MSANTD4: variants seen among roughly 807,000 people sequenced by gnomAD.
The protein encoded by MSANTD4 is myb/SANT-like DNA-binding domain-containing protein 4.
A neutral mutation model predicts 34.3 loss-of-function variants in MSANTD4; 13 were observed. That is an observed-to-expected ratio of 0.38 (90% CI 0.25 to 0.60). MSANTD4 has a LOEUF of 0.60. MSANTD4 is among the 20% of genes least tolerant of loss of function. The pLI is 0.63. For missense variants in MSANTD4, 358 were observed against 401.8 expected (o/e 0.89, Z 0.93); for synonymous variants, 137 against 145.2 (o/e 0.94, Z 0.41).
At chr11:106,014,164 T>C (rs1859778458) in intron 1 of MSANTD4, among the ~76,000 whole-genome samples, 1 of 152,216 alleles carries the variant, frequency 6.6e-6, no homozygotes, top group Non-Finnish European at 1.5e-5. Flanking sequence ...AAAAAGAAAC[T>C]TAAGACTAAG....
At position 106,010,123 on chromosome 11, in the gene MSANTD4, A is replaced by G; in HGVS notation, c.463-13T>C. On this transcript the variant is annotated splice_polypyrimidine_tract_variant and intron_variant, in intron 2 of 2. Coordinates refer to ENST00000301919, the MANE Select transcript of MSANTD4 (RefSeq NM_032424.3). ...CCTCAATTTCAAACTAAGAGCAAAG[A>G]GAAAAGCAATTTTCAGTATTGACTT... The G allele has an allele frequency of 6.5e-7, 1 of 1,540,128 alleles. No individual in the cohort carries two copies. The highest frequency in any genetic ancestry group is 2.3e-5 in the East Asian group (1 of 44,202).
At chr11:106,018,497 T>C (rs1221058893) in intron 1 of MSANTD4, among the ~76,000 whole-genome samples, 6 of 152,332 alleles carry the variant, frequency 3.9e-5, no homozygotes, top group African/African-American at 1.2e-4. Context: ...CTCCAAGTGC[T>C]TCTCATTTGC....
rs1051692630 is a variant in MSANTD4 at position 106,014,943 on chromosome 11, A to C, written c.-150-3876T>G. ...ACAAAAAAGGGCAACGTATGCAAAA[A>C]CAAAAGAAAAGAAGACTGCAAGCCA... On this transcript the variant is annotated intron_variant, in intron 1 of 2. Transcript: ENST00000301919. Among the ~76,000 whole-genome samples, 8 of 644 alleles carry C rather than the reference A, an allele frequency of 0.012. No homozygotes were observed. In the Admixed American group the frequency reaches 0.18, roughly 15 times the overall value. The allele number at this position is 644 out of a possible 152,430, so 0.4% of individuals were successfully genotyped here. A position where few individuals can be genotyped will look rare whatever the true frequency, so the allele number is the denominator to read the frequency against.
At position 106,016,547 on chromosome 11, in the gene MSANTD4, T is replaced by G. The variant is rs1002780876; in HGVS notation, c.-151+4415A>C. 8.5e-5 allele frequency among the ~76,000 whole-genome samples: 13 copies of G among 152,096 alleles called. No individual in the cohort carries two copies. The South Asian group carries it at 1.0e-3, about 12-fold the overall frequency. ...TAACAAATAGGAGGAGGTAAAAATATGAACTCAAAACAAGAAAATGATAAA... is the reference window on the plus strand; with the variant it reads ...TAACAAATAGGAGGAGGTAAAAATAGGAACTCAAAACAAGAAAATGATAAA... On this transcript the variant is annotated intron_variant, in intron 1 of 2. Transcript: ENST00000301919.
rs1859576986 is a variant in MSANTD4 at position 106,007,940 on chromosome 11, A to G, written c.*1595T>C. On this transcript the variant is annotated 3_prime_UTR_variant, in exon 3 of 3. Coordinates refer to ENST00000301919, the MANE Select transcript of MSANTD4 (RefSeq NM_032424.3). ...GCAAATTTATTTCTATGGTAGAAGC[A>G]TTTATTTCAGATATAGAAAAATAAC... 6.6e-6 allele frequency: 1 copy of G among 152,660 alleles called. No homozygotes were observed. The highest frequency in any genetic ancestry group is 2.1e-4 in the South Asian group (1 of 4,832). 9.5% of individuals were successfully genotyped at this position (152,660 alleles called of 1,614,324 possible).
In MSANTD4 at chr11:106,012,637, T is replaced by C. The variant is rs372526137; in HGVS notation, c.-150-1570A>G. 4.6e-5 allele frequency among the ~76,000 whole-genome samples: 7 copies of C among 152,192 alleles called. No individual in the cohort carries two copies. The South Asian group carries it at 6.2e-4, about 13-fold the overall frequency. On this transcript the variant is annotated intron_variant, in intron 1 of 2. Transcript: ENST00000301919. ...GTCAGACTGTCAAAGAGGGTGTACCTGAAACTTGTCAGAAATGTAAACTTT... is the reference window on the plus strand; with the variant it reads ...GTCAGACTGTCAAAGAGGGTGTACCCGAAACTTGTCAGAAATGTAAACTTT...
At chr11:106,017,824 T>C (rs901970181) in intron 1 of MSANTD4, among the ~76,000 whole-genome samples, 1 of 152,166 alleles carries the variant, frequency 6.6e-6, no homozygotes, top group African/African-American at 2.4e-5. Flanking sequence ...GAAGTTGGAA[T>C]CCACAGTGAA....
chr11:106,019,276 TG>T (rs1282691474), intron 1 of MSANTD4, among the ~76,000 whole-genome samples: 25 of 152,282 alleles, frequency 1.6e-4, no homozygotes, highest in African/African-American at 6.0e-4. Flanking sequence ...CCAATAGAAA[TG>T]TAAGAGCCCT....
chr11:106,015,966 T>C (rs1400619143), intron 1 of MSANTD4, among the ~76,000 whole-genome samples: 1 of 152,174 alleles, frequency 6.6e-6, no homozygotes, highest in Non-Finnish European at 1.5e-5. Flanking sequence ...TGAGCCCCAG[T>C]GATCTTCCCG....
chr11:106,021,584 CA>C lies in MSANTD4; in HGVS notation c.-774del, dbSNP rs1382953808. 1 of 152,138 alleles carries C rather than the reference CA, an allele frequency of 6.6e-6. No individual in the cohort carries two copies. Among genetic ancestry groups the C allele is most frequent in the Non-Finnish European group, 1.5e-5 (1 of 68,006 alleles). The allele number at this position is 152,138 out of a possible 1,614,324, so 9.4% of individuals were successfully genotyped here. A position where few individuals can be genotyped will look rare whatever the true frequency, so the allele number is the denominator to read the frequency against. ...CAAATCTACAATATCAAACCCTACCCAAATTCTCTTTAAAGTGTGGCTTTCC... is the reference window on the plus strand; with the variant it reads ...CAAATCTACAATATCAAACCCTACCCAATTCTCTTTAAAGTGTGGCTTTCC... On this transcript the variant is annotated 5_prime_UTR_variant, in exon 1 of 3. Coordinates refer to ENST00000301919, the MANE Select transcript of MSANTD4 (RefSeq NM_032424.3).
intron 1 of MSANTD4, among the ~76,000 whole-genome samples, chr11:106,018,009 G>A (rs925897547): frequency 1.3e-5 from 2 of 152,052 alleles, no homozygotes; most frequent in African/African-American, 4.8e-5. Flanking sequence ...GACAAATGAC[G>A]TCCTCGGACC....
chr11:106,018,646 C>T (rs1353984074), intron 1 of MSANTD4, among the ~76,000 whole-genome samples: 1 of 152,170 alleles, frequency 6.6e-6, no homozygotes, highest in East Asian at 1.9e-4. Context: ...GAAAAGACCT[C>T]ATCTGCCACA....
intron 1 of MSANTD4, among the ~76,000 whole-genome samples, chr11:106,014,673 C>T (rs1859795218): frequency 6.6e-6 from 1 of 152,164 alleles, no homozygotes; most frequent in Non-Finnish European, 1.5e-5. Context: ...TTTCTTATCA[C>T]CATTGCATTA....
intron 1 of MSANTD4, among the ~76,000 whole-genome samples, chr11:106,020,687 C>T (rs372239390): frequency 6.6e-6 from 1 of 152,262 alleles, no homozygotes; most frequent in South Asian, 2.1e-4. Context: ...CTATTTTTGA[C>T]CAACAATTCC....
At chr11:106,017,995 T>G (rs567926620) in intron 1 of MSANTD4, among the ~76,000 whole-genome samples, 2 of 152,206 alleles carry the variant, frequency 1.3e-5, no homozygotes, top group African/African-American at 4.8e-5. Flanking sequence ...GATTCTACAT[T>G]TTTGACAAAT....
At chr11:106,017,813 C>A (rs935568045) in intron 1 of MSANTD4, among the ~76,000 whole-genome samples, 2 of 151,796 alleles carry the variant, frequency 1.3e-5, no homozygotes, top group Non-Finnish European at 2.9e-5. Context: ...AATGAAGAGC[C>A]GAAGTTGGAA....
intron 1 of MSANTD4, among the ~76,000 whole-genome samples, chr11:106,013,080 G>A (rs925713646): frequency 3.9e-5 from 6 of 152,138 alleles, no homozygotes; most frequent in African/African-American, 1.2e-4. Flanking sequence ...TTCAACTGAG[G>A]AGAATAATAA....
intron 1 of MSANTD4, among the ~76,000 whole-genome samples, chr11:106,016,778 T>A (rs1368230375): frequency 6.6e-6 from 1 of 152,166 alleles, no homozygotes; most frequent in African/African-American, 2.4e-5. Flanking sequence ...AACAGGTTAT[T>A]CAAAATTCTG....
chr11:106,009,256 A>G lies in MSANTD4; in HGVS notation c.*279T>C, dbSNP rs1241570470. The G allele has an allele frequency of 3.6e-6, 1 of 277,190 alleles. No homozygotes were observed. The highest frequency in any genetic ancestry group is 6.7e-6 in the Non-Finnish European group (1 of 148,654). 17.2% of individuals were successfully genotyped at this position (277,190 alleles called of 1,614,324 possible). A position where few individuals can be genotyped will look rare whatever the true frequency, so the allele number is the denominator to read the frequency against. On this transcript the variant is annotated 3_prime_UTR_variant, in exon 3 of 3. Coordinates refer to ENST00000301919, the MANE Select transcript of MSANTD4 (RefSeq NM_032424.3). ...GAGAACTTCTGGGCTAGAATTTTAT[A>G]TGGACATAATTGTAAACTCTGGGTA...
Sources: gnomAD v4.1 joint callset for allele counts (sites outside exome capture counted in the v4.1 genomes callset) on GRCh38, gnomAD v4.1.1 for gene constraint, MANE v1.5 for transcripts, NCBI Gene and HGNC (gene_info 2026-07-23, HGNC 2026-07-21) for gene names.